Variants in PDE1C observed in about 807,000 individuals in gnomAD.
PDE1C encodes the protein dual specificity calcium/calmodulin-dependent 3',5'-cyclic nucleotide phosphodiesterase 1C.
In PDE1C, 62 loss-of-function variants were observed where a neutral mutation model predicts 93.1. That is an observed-to-expected ratio of 0.67 (90% CI 0.54 to 0.82). PDE1C has a LOEUF of 0.82. PDE1C is among the 40% of genes least tolerant of loss of function. PDE1C has a pLI of 0.00. For missense variants in PDE1C, 742 were observed against 884.6 expected (o/e 0.84, Z 2.04); for synonymous variants, 325 against 310.1 (o/e 1.05, Z -0.50).
At chr7:32,073,681 ATAC>A (rs1224884212), upstream of PDE1C, among the ~76,000 whole-genome samples, 2 of 152,218 alleles carry the variant, frequency 1.3e-5, no homozygotes, top group African/African-American at 4.8e-5. Context: ...TGCCAACAAA[ATAC>A]TACTATTTTT....
rs375710907 is a variant in PDE1C, at chr7:31,866,322, C to A, written c.610-1240G>T. Among the ~76,000 whole-genome samples, 8 of 152,090 alleles carry A rather than the reference C, an allele frequency of 5.3e-5. No individual in the cohort carries two copies. In the East Asian group the frequency reaches 1.2e-3, roughly 22 times the overall value. On this transcript the variant is annotated intron_variant, in intron 6 of 17. Coordinates refer to ENST00000396191, the MANE Select transcript of PDE1C (RefSeq NM_001191057.4). ...CAGAATTTTAAAAATTAAAATACAA[C>A]CTTTAAGAGGTCAGAGATGAATTCA... is the stretch of plus-strand genomic sequence containing the variant.
the PDE1C span, among the ~76,000 whole-genome samples, chr7:31,626,485 A>G: frequency 1.5e-3 from 222 of 152,248 alleles, 2 homozygotes; most frequent in African/African-American, 5.3e-3. Context: ...GCATTTTACT[A>G]TTTCCTTTCT....
chr7:31,651,378 C>G, the PDE1C span: 1 of 1,264,270 alleles, frequency 7.9e-7, no homozygotes, highest in Non-Finnish European at 1.0e-6. Flanking sequence ...TAATGAGAAA[C>G]CGGCCAGCTT....
At chr7:32,310,459 G>A (rs1279784797) in intron 1 of PDE1C, among the ~76,000 whole-genome samples, 3 of 152,110 alleles carry the variant, frequency 2.0e-5, no homozygotes, top group Admixed American at 2.0e-4. Context: ...ATTTTTTTCA[G>A]CACTACACCA....
At chr7:31,675,495 T>A in the PDE1C span, among the ~76,000 whole-genome samples, 7 of 152,106 alleles carry the variant, frequency 4.6e-5, no homozygotes, top group Non-Finnish European at 8.8e-5. Flanking sequence ...ACTTCTTAGA[T>A]CTTTCATCCT....
intron 1 of PDE1C, among the ~76,000 whole-genome samples, chr7:32,337,475 T>C (rs1783650499): frequency 6.6e-6 from 1 of 152,234 alleles, no homozygotes; most frequent in South Asian, 2.1e-4. Context: ...TTTACTGCTA[T>C]ACATCTTTAT....
At chr7:31,657,504 T>C in the PDE1C span, among the ~76,000 whole-genome samples, 1 of 152,220 alleles carries the variant, frequency 6.6e-6, no homozygotes, top group Non-Finnish European at 1.5e-5. Flanking sequence ...GTCGCTTTCA[T>C]ACAAGGAGAT....
At chr7:31,835,441 G>T (rs1426084063) in intron 11 of PDE1C, among the ~76,000 whole-genome samples, 1 of 152,076 alleles carries the variant, frequency 6.6e-6, no homozygotes, top group Non-Finnish European at 1.5e-5. Context: ...CTGAGAGGGT[G>T]AGCAATGACT....
intron 11 of PDE1C, among the ~76,000 whole-genome samples, chr7:31,835,693 C>T (rs985130797): frequency 2.6e-5 from 4 of 151,816 alleles, no homozygotes; most frequent in Non-Finnish European, 4.4e-5. Context: ...ACAGATAAGA[C>T]CATAGGGAAT....
At chr7:32,255,703 T>C (rs989620306) in intron 1 of PDE1C, among the ~76,000 whole-genome samples, 7 of 151,946 alleles carry the variant, frequency 4.6e-5, no homozygotes, top group African/African-American at 9.7e-5. Context: ...TGAAAATACA[T>C]AGAAGGAAGA....
At chr7:32,324,577 C>G (rs1783366988) in intron 1 of PDE1C, among the ~76,000 whole-genome samples, 1 of 152,190 alleles carries the variant, frequency 6.6e-6, no homozygotes, top group South Asian at 2.1e-4. Context: ...AGGGATTCCA[C>G]AATTAAATAA....
chr7:32,363,859 A>G (rs1271199287), intron 1 of PDE1C, among the ~76,000 whole-genome samples: 1 of 152,208 alleles, frequency 6.6e-6, no homozygotes, highest in East Asian at 1.9e-4. Flanking sequence ...AACAGGCAAC[A>G]TTTAATGACC....
In PDE1C at chr7:32,015,893, A is replaced by G. The variant is rs184311840; in HGVS notation, c.128+35661T>C. On this transcript the variant is annotated intron_variant, in intron 2 of 17. Transcript: ENST00000396191. ...AATCAATGAGATTCACACTAAAGTG[A>G]TAAGAGGCAGGACTAGACTCCAGAG... 9.2e-5 allele frequency among the ~76,000 whole-genome samples: 14 copies of G among 152,326 alleles called. No homozygotes were observed. In the East Asian group the frequency reaches 2.3e-3, roughly 25 times the overall value.
intron 3 of PDE1C, among the ~76,000 whole-genome samples, chr7:32,118,649 CAG>C (rs1467172645): frequency 6.6e-6 from 1 of 152,088 alleles, no homozygotes; most frequent in Non-Finnish European, 1.5e-5. Flanking sequence ...GCACACAAGA[CAG>C]AGAGGGAATG....
intron 2 of PDE1C, among the ~76,000 whole-genome samples, chr7:31,920,982 T>C (rs775496286): frequency 6.6e-6 from 1 of 152,164 alleles, no homozygotes; most frequent in Non-Finnish European, 1.5e-5. Context: ...GAGTTTTCAG[T>C]AGAAGAGGGA....
chr7:32,058,097 C>G (rs747782832), intron 1 of PDE1C, among the ~76,000 whole-genome samples: 1 of 152,144 alleles, frequency 6.6e-6, no homozygotes, highest in African/African-American at 2.4e-5. Context: ...CAGTTGGGCA[C>G]AAGATTTCCT....
chr7:32,032,257 G>T (rs944308684), intron 2 of PDE1C, among the ~76,000 whole-genome samples: 1 of 152,170 alleles, frequency 6.6e-6, no homozygotes, highest in Non-Finnish European at 1.5e-5. Context: ...TTTTGGAGGA[G>T]GAGGTGGAGA....
intron 2 of PDE1C, among the ~76,000 whole-genome samples, chr7:32,177,375 C>G (rs1584908539): frequency 6.6e-6 from 1 of 152,286 alleles, no homozygotes; most frequent in Admixed American, 6.5e-5. Flanking sequence ...TTTCTAGCAT[C>G]TGTAAACTTG....
intron 2 of PDE1C, among the ~76,000 whole-genome samples, chr7:31,922,671 G>C (rs901238126): frequency 5.3e-5 from 8 of 152,136 alleles, no homozygotes; most frequent in Non-Finnish European, 1.5e-5. Flanking sequence ...TGGACAAAAT[G>C]TATGAACTGC....
Sources: allele counts gnomAD v4.1 joint callset (sites outside exome capture counted in the v4.1 genomes callset), GRCh38; gene constraint gnomAD v4.1.1; transcripts MANE v1.5; gene names NCBI Gene and HGNC (gene_info 2026-07-23, HGNC 2026-07-21).